SGO2: variants seen among roughly 807,000 people sequenced by gnomAD.
The protein encoded by SGO2 is shugoshin 2.
A neutral mutation model predicts 99.5 loss-of-function variants in SGO2; 68 were observed. The ratio of observed to expected loss-of-function variants is 0.68; its 90% CI spans 0.56 to 0.84. SGO2 has a LOEUF of 0.84. Ranked by LOEUF, SGO2 falls within the 40% of genes least tolerant of loss-of-function variation. The pLI, the probability that SGO2 is intolerant of heterozygous loss-of-function variation, is 0.00. For synonymous variants in SGO2, 457 were observed against 487.1 expected (o/e 0.94, Z 0.81); for missense variants, 1,350 against 1,436.7 (o/e 0.94, Z 0.97).
chr2:200,578,213 A>C (rs1391865648), intron 8 of SGO2, among the ~76,000 whole-genome samples: 1 of 82,184 alleles, frequency 1.2e-5, no homozygotes, highest in Non-Finnish European at 2.8e-5. Context: ...TGTTCTATAG[A>C]TGAAAGTCCA....
chr2:200,554,442 T>G (rs946808092), intron 5 of SGO2, among the ~76,000 whole-genome samples: 5 of 152,178 alleles, frequency 3.3e-5, no homozygotes, highest in Admixed American at 3.3e-4. Flanking sequence ...AAACTTGCAT[T>G]CAAGAGCACC....
rs143597521 is a variant in SGO2 at position 200,529,325 on chromosome 2, C to T, written c.-3+3073C>T. Among the ~76,000 whole-genome samples, 56 of 152,296 alleles carry T rather than the reference C, an allele frequency of 3.7e-4. No homozygotes were observed. In the East Asian group the frequency reaches 0.01, roughly 28 times the overall value. On this transcript the variant is annotated intron_variant, in intron 1 of 8. Transcript: ENST00000357799. ...TACTTATTCATTCAACAAATATTTA[C>T]TGTGTTGATATCATTTGTAAGGCGC... is the stretch of plus-strand genomic sequence containing the variant.
At chr2:200,577,173 C>G (rs1346982196) in intron 8 of SGO2, among the ~76,000 whole-genome samples, 1 of 151,878 alleles carries the variant, frequency 6.6e-6, no homozygotes. Context: ...TTAAAAATTT[C>G]TCTTTATCTT....
Position 200,572,808 on chromosome 2 carries a change from A to G in SGO2, c.2462A>G (p.Glu821Gly), listed in dbSNP as rs1224213906. Residue 821 changes from glutamate to glycine, a missense_variant, in exon 7 of 9, where the codon GAA becomes GGA. Coordinates refer to ENST00000357799, the MANE Select transcript of SGO2 (RefSeq NM_152524.6). ...TGTCAAAAGTCAGAAATAATTCCTG[A>G]AACCAACCAAATATATGAGAATGAT... is the stretch of plus-strand genomic sequence containing the variant. ...NVCQKSEIIP[E>G]TNQIYENDNK... The G allele has an allele frequency of 3.1e-6, 5 of 1,612,320 alleles. No homozygotes were observed. Among genetic ancestry groups the G allele is most frequent in the Non-Finnish European group, 4.2e-6 (5 of 1,179,272 alleles).
At chr2:200,538,132 A>C (rs923828491) in intron 4 of SGO2, among the ~76,000 whole-genome samples, 1 of 152,128 alleles carries the variant, frequency 6.6e-6, no homozygotes, top group Non-Finnish European at 1.5e-5. Context: ...TAACAGCCAG[A>C]GTGATGCTGT....
intron 8 of SGO2, among the ~76,000 whole-genome samples, chr2:200,579,799 CT>C (rs1230703650): frequency 6.6e-6 from 1 of 152,086 alleles, no homozygotes; most frequent in Non-Finnish European, 1.5e-5. Context: ...ACATTCATAA[CT>C]GATGTGAGTC....
chr2:200,534,116 G>C (rs947225703), intron 2 of SGO2, among the ~76,000 whole-genome samples: 7 of 152,094 alleles, frequency 4.6e-5, no homozygotes, highest in African/African-American at 9.7e-5. Flanking sequence ...AGTTTTCCCT[G>C]AGTACTTATA....
intron 8 of SGO2, among the ~76,000 whole-genome samples, chr2:200,579,846 C>T (rs2033780444): frequency 6.6e-6 from 1 of 152,018 alleles, no homozygotes; most frequent in African/African-American, 2.4e-5. Context: ...TTTATCTGGC[C>T]TAGGTATCAT....
At chr2:200,578,079 G>A (rs2033721685) in intron 8 of SGO2, among the ~76,000 whole-genome samples, 1 of 151,786 alleles carries the variant, frequency 6.6e-6, no homozygotes, top group East Asian at 1.9e-4. Context: ...GGTACTACTA[G>A]TAGTGATTTT....
At chr2:200,544,441 T>C (rs2032113787) in intron 5 of SGO2, among the ~76,000 whole-genome samples, 1 of 152,058 alleles carries the variant, frequency 6.6e-6, no homozygotes, top group Non-Finnish European at 1.5e-5. Flanking sequence ...ACCACTCTTC[T>C]TGGCTAATTT....
In SGO2 at chr2:200,572,804, C is replaced by G. The variant is rs778666933; in HGVS notation, c.2458C>G (p.Pro820Ala). Residue 820 changes from proline (P) to alanine (A), a missense_variant, in exon 7 of 9, where the codon CCT becomes GCT. Pro to Ala is a conservative substitution (Grantham distance 27). Transcript: ENST00000357799. Reference protein sequence around the residue: ...LNVCQKSEIIPETNQIYENDN... With the variant: ...LNVCQKSEIIAETNQIYENDN... ...TGTATGTCAAAAGTCAGAAATAATT[C>G]CTGAAACCAACCAAATATATGAGAA... 1.1e-5 allele frequency: 18 copies of G among 1,611,980 alleles called. 1 individual carries two copies. The South Asian group carries it at 2.0e-4, about 18-fold the overall frequency.
At chr2:200,580,433 T>G (rs2033804687) in intron 8 of SGO2, 2 of 415,146 alleles carry the variant, frequency 4.8e-6, no homozygotes, top group Admixed American at 2.9e-5. Flanking sequence ...CACTGACTTC[T>G]GCTTCATATT....
At chr2:200,552,282 A>G (rs1198060341) in intron 5 of SGO2, among the ~76,000 whole-genome samples, 1 of 152,118 alleles carries the variant, frequency 6.6e-6, no homozygotes, top group Non-Finnish European at 1.5e-5. Context: ...TCAAACTCCT[A>G]CCTCAGCCTC....
chr2:200,572,950 C>T lies in SGO2; in HGVS notation c.2604C>T (p.Leu868=), dbSNP rs769156137. The change falls in exon 7 of 9, where the codon CTC becomes CTT. Residue 868 remains leucine, a synonymous_variant. Transcript: ENST00000357799. ...ATGAATTTCAAACAGTTGATCTTCT[C>T]ATCAAAGATAATGGAAATTTATGTG... The part of the protein sequence containing the change: ...VTNEFQTVDL[L]IKDNGNLCDY... 1.3e-6 allele frequency: 2 copies of T among 1,596,008 alleles called. No individual in the cohort carries two copies. Among genetic ancestry groups the T allele is most frequent in the Non-Finnish European group, 1.7e-6 (2 of 1,174,092 alleles).
chr2:200,550,578 A>C (rs1355057816), intron 5 of SGO2, among the ~76,000 whole-genome samples: 2 of 152,184 alleles, frequency 1.3e-5, no homozygotes. Flanking sequence ...AAAGGTCCCA[A>C]GAACTTACAA....
chr2:200,549,173 T>C (rs2032361981), intron 5 of SGO2, among the ~76,000 whole-genome samples: 1 of 152,108 alleles, frequency 6.6e-6, no homozygotes, highest in Non-Finnish European at 1.5e-5. Context: ...TCCCAGCTAC[T>C]CAGGAGGCTA....
Position 200,573,117 on chromosome 2 carries a change from A to G in SGO2, c.2771A>G (p.Tyr924Cys), listed in dbSNP as rs781205517. The change falls in exon 7 of 9, where the codon TAT (tyrosine) becomes TGT (cysteine). Residue 924 changes from tyrosine to cysteine, a missense_variant. Transcript: ENST00000357799. ...TEIISEMNQI[Y>C]EDNDKDAHVQ... is the part of the protein sequence containing the mutation. ...ATAATTTCTGAAATGAACCAGATAT[A>G]TGAGGATAATGATAAAGATGCACAT... The G allele has an allele frequency of 1.8e-5, 29 of 1,591,260 alleles. No homozygotes were observed. The highest frequency in any genetic ancestry group is 2.4e-5 in the South Asian group (2 of 85,070).
At chr2:200,535,575 A>G (rs1428353468) in intron 3 of SGO2, among the ~76,000 whole-genome samples, 2 of 152,150 alleles carry the variant, frequency 1.3e-5, no homozygotes, top group East Asian at 3.8e-4. Context: ...TGAGAATTAT[A>G]GTTGTTTCTT....
Position 200,583,539 on chromosome 2 carries a change from G to A in SGO2, c.*75G>A. The A allele has an allele frequency of 6.7e-6, 9 of 1,336,270 alleles. No individual in the cohort carries two copies. Among genetic ancestry groups the A allele is most frequent in the Middle Eastern group, 1.9e-4 (1 of 5,134 alleles). 82.8% of individuals were successfully genotyped at this position (1,336,270 alleles called of 1,614,324 possible). A position where few individuals can be genotyped will look rare whatever the true frequency, so the allele number is the denominator to read the frequency against. On this transcript the variant is annotated 3_prime_UTR_variant, in exon 9 of 9. Coordinates refer to ENST00000357799, the MANE Select transcript of SGO2 (RefSeq NM_152524.6). ...CAAAACAGAAATATAGTATCAAGAA[G>A]ATGAAATGCTTAATGAAAAGGTTTT...
Sources: gnomAD v4.1 joint callset for allele counts (sites outside exome capture counted in the v4.1 genomes callset) on GRCh38, gnomAD v4.1.1 for gene constraint, MANE v1.5 for transcripts, NCBI Gene and HGNC (gene_info 2026-07-23, HGNC 2026-07-21) for gene names.